Variants in NRP1 observed in about 807,000 individuals in gnomAD.
NRP1 encodes the protein neuropilin 1.
NRP1 carries 35 observed loss-of-function variants against 106.7 expected under a neutral mutation model. The observed-to-expected ratio is 0.33, with a 90% confidence interval of 0.25 to 0.43. The LOEUF is 0.43. Ranked by LOEUF, NRP1 falls within the 20% of genes least tolerant of loss-of-function variation. NRP1 has a pLI of 1.00. For synonymous variants in NRP1, 437 were observed against 417.9 expected (o/e 1.05, Z -0.56); for missense variants, 1,024 against 1,170.4 (o/e 0.87, Z 1.83).
intron 7 of NRP1, among the ~76,000 whole-genome samples, chr10:33,225,513 G>A (rs1839589105): frequency 6.6e-6 from 1 of 152,232 alleles, no homozygotes; most frequent in Admixed American, 6.5e-5. Flanking sequence ...CAGGCAGGCT[G>A]AGAAAAACAT....
chr10:33,306,473 A>C (rs550319480), intron 2 of NRP1, among the ~76,000 whole-genome samples: 190 of 152,232 alleles, frequency 1.2e-3, no homozygotes, highest in African/African-American at 4.4e-3. Flanking sequence ...CTGAATTCAA[A>C]GCACCTTCAG....
chr10:33,230,511 G>A (rs1840027119), intron 6 of NRP1, among the ~76,000 whole-genome samples: 2 of 152,072 alleles, frequency 1.3e-5, no homozygotes, highest in African/African-American at 4.8e-5. Flanking sequence ...GATGAAGACA[G>A]CAACATTTAT....
At chr10:33,268,859 AAAGGTGTTCT>A (rs138909997) in intron 3 of NRP1, among the ~76,000 whole-genome samples, 139 of 152,334 alleles carry the variant, frequency 9.1e-4, no homozygotes, top group African/African-American at 3.2e-3. Flanking sequence ...TATCTATACG[AAAGGTGTTCT>A]AAGTACTTAT....
chr10:33,237,683 A>C (rs1377515541), intron 6 of NRP1, among the ~76,000 whole-genome samples: 1 of 141,254 alleles, frequency 7.1e-6, no homozygotes, highest in Non-Finnish European at 1.5e-5. Context: ...AGTTCAAGTG[A>C]TTATAGTCGC....
At chr10:33,230,939 G>T (rs1306270726) in intron 6 of NRP1, among the ~76,000 whole-genome samples, 1 of 152,050 alleles carries the variant, frequency 6.6e-6, no homozygotes, top group East Asian at 1.9e-4. Flanking sequence ...CTTTCTCACT[G>T]GTGTAGATGT....
chr10:33,311,590 A>G (rs1846610659), intron 2 of NRP1, among the ~76,000 whole-genome samples: 1 of 152,212 alleles, frequency 6.6e-6, no homozygotes, highest in South Asian at 2.1e-4. Context: ...CTGGTTGGTC[A>G]ATAAATATTT....
At chr10:33,304,955 A>G (rs1846044663) in intron 2 of NRP1, among the ~76,000 whole-genome samples, 1 of 152,254 alleles carries the variant, frequency 6.6e-6, no homozygotes, top group Non-Finnish European at 1.5e-5. Flanking sequence ...AGTAATGTAA[A>G]CAGTCCAATC....
intron 2 of NRP1, among the ~76,000 whole-genome samples, chr10:33,274,844 T>C (rs1843570489): frequency 1.3e-5 from 2 of 152,154 alleles, no homozygotes; most frequent in Admixed American, 6.5e-5. Context: ...CATCATAAGC[T>C]GGAGTGAGAA....
chr10:33,270,243 G>T (rs1172069312), intron 3 of NRP1, among the ~76,000 whole-genome samples: 1 of 151,804 alleles, frequency 6.6e-6, no homozygotes, highest in East Asian at 1.9e-4. Flanking sequence ...TTATAATGAG[G>T]ATATATGTTT....
chr10:33,263,986 C>T, intron 3 of NRP1, 113 bp from the exon 4 acceptor site: 1 of 698,848 alleles, frequency 1.4e-6, no homozygotes, highest in South Asian at 1.7e-5. Flanking sequence ...GCCAGTATAA[C>T]CACTGTTCTA....
chr10:33,184,815 G>A (rs2474728), intron 15 of NRP1, among the ~76,000 whole-genome samples: 23,511 of 152,066 alleles, frequency 0.15, 2,406 homozygotes, highest in African/African-American at 0.29. Context: ...AGTTGCTGAA[G>A]TGACCAAAAC....
intron 2 of NRP1, among the ~76,000 whole-genome samples, chr10:33,297,927 A>C (rs140175122): frequency 6.6e-6 from 1 of 150,670 alleles, no homozygotes; most frequent in Admixed American, 6.6e-5. Context: ...GAAAAAAAAA[A>C]TCCCCTGGAA....
At chr10:33,249,473 G>A (rs1377596499) in intron 6 of NRP1, 2 of 529,680 alleles carry the variant, frequency 3.8e-6, no homozygotes, top group East Asian at 1.1e-4. Context: ...TGAGCTTAAT[G>A]GCCTGGGTTC....
At chr10:33,328,685 G>C (rs941770435) in intron 2 of NRP1, among the ~76,000 whole-genome samples, 2 of 152,032 alleles carry the variant, frequency 1.3e-5, no homozygotes, top group African/African-American at 4.8e-5. Context: ...TGCTAGTCTG[G>C]GCACAGTGAC....
intron 8 of NRP1, among the ~76,000 whole-genome samples, chr10:33,221,029 G>A (rs1393840156): frequency 6.6e-6 from 1 of 151,894 alleles, no homozygotes; most frequent in Non-Finnish European, 1.5e-5. Flanking sequence ...CCAGGAGTTC[G>A]AGACCAGCCC....
intron 2 of NRP1, among the ~76,000 whole-genome samples, chr10:33,294,693 A>G (rs903495459): frequency 3.3e-5 from 5 of 152,116 alleles, no homozygotes; most frequent in South Asian, 2.1e-4. Flanking sequence ...TAAGTATCTC[A>G]AAGTTAATGA....
intron 6 of NRP1, among the ~76,000 whole-genome samples, chr10:33,237,487 G>GCGCA (rs1554788780): frequency 1.2e-3 from 168 of 144,848 alleles, no homozygotes; most frequent in African/African-American, 3.4e-3. Flanking sequence ...ACATGCGCGC[G>GCGCA]CACACACACA....
At chr10:33,219,562 A>G (rs1839062642) in intron 8 of NRP1, among the ~76,000 whole-genome samples, 1 of 152,260 alleles carries the variant, frequency 6.6e-6, no homozygotes, top group Non-Finnish European at 1.5e-5. Context: ...AAATATTAGG[A>G]TATGCTATTT....
chr10:33,252,756 C>T (rs543350590), intron 6 of NRP1, among the ~76,000 whole-genome samples: 58 of 152,172 alleles, frequency 3.8e-4, no homozygotes, highest in African/African-American at 1.4e-3. Context: ...CATTTCATTT[C>T]TGTCTTAATC....
Sources: allele counts gnomAD v4.1 joint callset (sites outside exome capture counted in the v4.1 genomes callset), GRCh38; gene constraint gnomAD v4.1.1; transcripts MANE v1.5; gene names NCBI Gene and HGNC (gene_info 2026-07-23, HGNC 2026-07-21).